The following SSH2 variants were observed in gnomAD, a reference collection of about 807,000 sequenced individuals.
The protein encoded by SSH2 is slingshot protein phosphatase 2.
SSH2 carries 37 observed loss-of-function variants against 135.2 expected under a neutral mutation model. That is an observed-to-expected ratio of 0.27 (90% confidence interval 0.21 to 0.36). The LOEUF is 0.36. SSH2 is among the 10% of genes least tolerant of loss of function. The pLI is 1.00. For synonymous variants in SSH2, 628 were observed against 646.2 expected (o/e 0.97, Z 0.43); for missense variants, 1,408 against 1,765.3 (o/e 0.80, Z 3.63).
chr17:29,703,601 A>G (rs2039077603), intron 3 of SSH2, among the ~76,000 whole-genome samples: 1 of 149,248 alleles, frequency 6.7e-6, no homozygotes, highest in Admixed American at 6.7e-5. Flanking sequence ...TTTGAGATGG[A>G]GTCTCACTCT....
intron 3 of SSH2, among the ~76,000 whole-genome samples, chr17:29,741,773 G>T (rs936219899): frequency 2.0e-5 from 3 of 151,644 alleles, no homozygotes; most frequent in African/African-American, 7.3e-5. Flanking sequence ...CTGCCACCAT[G>T]CCCAGCTAAT....
intron 5 of SSH2, among the ~76,000 whole-genome samples, chr17:29,695,209 T>G (rs1259806412): frequency 6.6e-6 from 1 of 152,212 alleles, no homozygotes; most frequent in African/African-American, 2.4e-5. Flanking sequence ...TAAATCTTCC[T>G]AATCTAGGTC....
chr17:29,761,840 C>CGTGTGTGTGTGTGTGTGTGT, intron 3 of SSH2, among the ~76,000 whole-genome samples: 1 of 133,872 alleles, frequency 7.5e-6, no homozygotes, highest in South Asian at 2.3e-4. Flanking sequence ...CACTCACATA[C>CGTGTGTGTGTGTGTGTGTGT]ATATGTGTGT....
chr17:29,716,332 CA>C (rs2039620540), intron 3 of SSH2: 1 of 460,120 alleles, frequency 2.2e-6, no homozygotes, highest in Non-Finnish European at 4.0e-6. Flanking sequence ...CATTTTCTTT[CA>C]CGTGCTTCAG....
intron 3 of SSH2, among the ~76,000 whole-genome samples, chr17:29,711,779 A>G (rs749886420): frequency 3.3e-5 from 5 of 152,146 alleles, no homozygotes; most frequent in Non-Finnish European, 5.9e-5. Flanking sequence ...CCCTGGGACC[A>G]TACCCCATTA....
At chr17:29,681,298 G>A (rs2037975078) in intron 6 of SSH2, among the ~76,000 whole-genome samples, 2 of 112,904 alleles carry the variant, frequency 1.8e-5, no homozygotes, top group South Asian at 6.2e-4. Context: ...TTGCACCACT[G>A]TACTCCAGCC....
At chr17:29,734,730 A>G (rs1340040219) in intron 3 of SSH2, among the ~76,000 whole-genome samples, 6 of 152,218 alleles carry the variant, frequency 3.9e-5, no homozygotes, top group Admixed American at 3.9e-4. Context: ...TTGTGCTGAG[A>G]AACACAAATA....
intron 1 of SSH2, among the ~76,000 whole-genome samples, chr17:29,923,909 A>C (rs1246673152): frequency 6.6e-6 from 1 of 152,172 alleles, no homozygotes; most frequent in East Asian, 1.9e-4. Context: ...CTGTCTCAAA[A>C]AACCAAACCA....
rs554635246 is a variant in SSH2, at chr17:29,749,570, CTTA to C, written c.188+44321_188+44323del. Among the ~76,000 whole-genome samples, 160 of 152,240 alleles carry C rather than the reference CTTA, an allele frequency of 1.1e-3. 1 individual carries two copies. The highest frequency in any genetic ancestry group is 3.8e-3 in the African/African-American group (156 of 41,530). On this transcript the variant is annotated intron_variant, in intron 3 of 15. Coordinates refer to ENST00000540801, the MANE Select transcript of SSH2 (RefSeq NM_001282129.2). ...AAAAGTGGTACACCTGTAAGGGGCA[CTTA>C]CAATCAATGGAGCTTGCAGGACTGG... is the stretch of plus-strand genomic sequence containing the variant.
At position 29,828,118 on chromosome 17, in the gene SSH2, T is replaced by C. The variant is rs553164082; in HGVS notation, c.144+20731A>G. Among the ~76,000 whole-genome samples, 4 of 152,338 alleles carry C rather than the reference T, an allele frequency of 2.6e-5. No individual in the cohort carries two copies. The South Asian group carries it at 8.3e-4, about 32-fold the overall frequency. ...AAGGATAAGATACAAAACTCACCTG[T>C]ATTTACAAAAACAGAATTATTGATC... On this transcript the variant is annotated intron_variant, in intron 2 of 15. Transcript: ENST00000540801.
At chr17:29,861,074 G>GC (rs1567615223) in intron 1 of SSH2, among the ~76,000 whole-genome samples, 1 of 150,538 alleles carries the variant, frequency 6.6e-6, no homozygotes, top group Non-Finnish European at 1.5e-5. Context: ...GGAGTTTTTT[G>GC]TTTTTTTTTC....
intron 3 of SSH2, among the ~76,000 whole-genome samples, chr17:29,741,934 C>CTTTTTTTTTTT (rs71138848): frequency 6.7e-4 from 66 of 97,888 alleles, no homozygotes; most frequent in East Asian, 1.1e-3. Context: ...ATTTTTTTTT[C>CTTTTTTTTTTT]TTTTTTTTTT....
At chr17:29,836,252 G>A (rs1166427334) in intron 2 of SSH2, among the ~76,000 whole-genome samples, 2 of 152,070 alleles carry the variant, frequency 1.3e-5, no homozygotes, top group East Asian at 1.9e-4. Flanking sequence ...ATATCACCAC[G>A]TTAGAGAGGC....
chr17:29,824,022 T>C (rs2042701198), intron 2 of SSH2, among the ~76,000 whole-genome samples: 1 of 152,010 alleles, frequency 6.6e-6, no homozygotes, highest in Admixed American at 6.6e-5. Flanking sequence ...AAATTACAAA[T>C]ACAAATAAAG....
At chr17:29,781,534 C>A (rs1318872188) in intron 3 of SSH2, among the ~76,000 whole-genome samples, 1 of 134,450 alleles carries the variant, frequency 7.4e-6, no homozygotes, top group Non-Finnish European at 1.5e-5. Context: ...GGCTAGAGTG[C>A]AATGGCGCAG....
chr17:29,697,549 T>C (rs924619295), intron 4 of SSH2, among the ~76,000 whole-genome samples: 2 of 152,090 alleles, frequency 1.3e-5, no homozygotes, highest in Admixed American at 6.6e-5. Context: ...CTCAGCACTT[T>C]GGGAGGCTGA....
intron 3 of SSH2, among the ~76,000 whole-genome samples, chr17:29,708,846 G>C (rs1432776188): frequency 6.6e-6 from 1 of 151,186 alleles, no homozygotes; most frequent in Non-Finnish European, 1.5e-5. Context: ...ATAATTAGCT[G>C]CTTGATACAA....
chr17:29,817,030 C>T (rs9899659), intron 2 of SSH2, among the ~76,000 whole-genome samples: 11,257 of 152,164 alleles, frequency 0.074, 1,362 homozygotes, highest in African/African-American at 0.25. Flanking sequence ...TAATATAAAT[C>T]TAAGTAAAAC....
intron 3 of SSH2, among the ~76,000 whole-genome samples, chr17:29,727,845 G>C (rs2040052287): frequency 6.6e-6 from 1 of 152,134 alleles, no homozygotes; most frequent in Non-Finnish European, 1.5e-5. Flanking sequence ...GACAAGAAAA[G>C]AAACAAAGAG....
Sources: gnomAD v4.1 joint callset for allele counts (sites outside exome capture counted in the v4.1 genomes callset) on GRCh38, gnomAD v4.1.1 for gene constraint, MANE v1.5 for transcripts, NCBI Gene and HGNC (gene_info 2026-07-23, HGNC 2026-07-21) for gene names.